The following CBLB variants were observed in gnomAD, a reference collection of about 807,000 sequenced individuals.
The protein encoded by CBLB is Cbl proto-oncogene B.
A neutral mutation model predicts 104.9 loss-of-function variants in CBLB; 31 were observed. The observed-to-expected ratio is 0.30, with a 90% CI of 0.22 to 0.40. CBLB has a LOEUF of 0.40. Among genes scored for constraint, CBLB ranks in the 10% least tolerant of loss-of-function variants. CBLB has a pLI of 1.00. For synonymous variants in CBLB, 440 were observed against 422.6 expected, an observed-to-expected ratio of 1.04 and a Z score of -0.51; for missense variants, 1,062 against 1,214.6, an observed-to-expected ratio of 0.87 and a Z score of 1.87.
chr3:105,751,350 ATGTT>A (rs1389834939), intron 5 of CBLB, 108 bp downstream of exon 5: 4 of 779,948 alleles, frequency 5.1e-6, no homozygotes, highest in African/African-American at 3.4e-5. Flanking sequence ...TATTTTCCAT[ATGTT>A]TGTTTATGTG....
At chr3:105,801,090 C>T (rs2153016666) in intron 3 of CBLB, among the ~76,000 whole-genome samples, 2 of 151,808 alleles carry the variant, frequency 1.3e-5, no homozygotes, top group South Asian at 4.2e-4. Context: ...TTTTCTTAAT[C>T]GCTTGTGAGT....
rs2152964416 is a variant in CBLB at position 105,776,650 on chromosome 3, T to A, written c.420-108A>T. On this transcript the variant is annotated intron_variant, in intron 3 of 18. Coordinates refer to ENST00000394030, the MANE Select transcript of CBLB (RefSeq NM_170662.5). The stretch of plus-strand genomic sequence containing the variant: ...AAACAATGTTATGTATGTATCAACG[T>A]ATGTCTTGGTGGTTGATCACGAAAA... 6 of 1,040,238 alleles carry A rather than the reference T, an allele frequency of 5.8e-6. No individual in the cohort carries two copies. In the East Asian group the frequency reaches 1.5e-4, roughly 26 times the overall value. The allele number at this position is 1,040,238 out of a possible 1,614,324, so 64.4% of individuals were successfully genotyped here.
At chr3:105,833,378 A>C (rs1277080256) in intron 3 of CBLB, among the ~76,000 whole-genome samples, 1 of 152,224 alleles carries the variant, frequency 6.6e-6, no homozygotes, top group South Asian at 2.1e-4. Context: ...CAGAACAAAT[A>C]TCTCTCTCTG....
chr3:105,685,313 C>A lies in CBLB; in HGVS notation c.2201+7G>T, dbSNP rs757203059. The stretch of plus-strand genomic sequence containing the variant: ...TGTAAGTGGCAAAAATCTGCCCATA[C>A]TCTTACCGAACAGGAGGTTTTACAT... On this transcript the variant is annotated splice_region_variant and intron_variant, in intron 14 of 18. Transcript: ENST00000394030. 2 of 1,613,442 alleles carry A rather than the reference C, an allele frequency of 1.2e-6. No individual in the cohort carries two copies. Among genetic ancestry groups the A allele is most frequent in the Admixed American group, 3.3e-5 (2 of 60,028 alleles).
At chr3:105,868,693 G>A (rs991726386) in intron 1 of CBLB, 43 bp downstream of exon 1, 8 of 999,008 alleles carry the variant, frequency 8.0e-6, no homozygotes, top group Non-Finnish European at 4.8e-6. Flanking sequence ...CCCCGGGCCG[G>A]CAAGAAGTGT....
intron 12 of CBLB, among the ~76,000 whole-genome samples, chr3:105,695,739 T>C (rs2068282783): frequency 6.6e-6 from 1 of 151,822 alleles, no homozygotes; most frequent in Admixed American, 6.6e-5. Context: ...ACCATTCATT[T>C]GATGTTTGGC....
Position 105,703,979 on chromosome 3 carries a change from T to C in CBLB, c.1593+9A>G, listed in dbSNP as rs112690512. On this transcript the variant is annotated intron_variant, in intron 11 of 18. Transcript: ENST00000394030. ...ATTTTCATCTGTGTTTCTAATAAAA[T>C]TGATCTACCTTTGGTGAACCCGTTG... The C allele has an allele frequency of 8.7e-6, 14 of 1,612,314 alleles. No homozygotes were observed. The highest frequency in any genetic ancestry group is 1.2e-5 in the Non-Finnish European group (14 of 1,178,300).
intron 16 of CBLB, among the ~76,000 whole-genome samples, chr3:105,680,445 C>T (rs1490722885): frequency 1.3e-5 from 2 of 152,112 alleles, no homozygotes; most frequent in East Asian, 3.9e-4. Context: ...TTTACATCAC[C>T]ACAGAAAGCT....
intron 3 of CBLB, among the ~76,000 whole-genome samples, chr3:105,798,864 A>C (rs2153010670): frequency 6.6e-6 from 1 of 152,320 alleles, no homozygotes; most frequent in South Asian, 2.1e-4. Context: ...TATGTGTGTG[A>C]GACAGAGGGG....
At chr3:105,812,024 TG>T (rs1230319148) in intron 3 of CBLB, among the ~76,000 whole-genome samples, 2 of 152,108 alleles carry the variant, frequency 1.3e-5, no homozygotes, top group Non-Finnish European at 2.9e-5. Context: ...TTTTTTGTTT[TG>T]TTTTTTTAAA....
chr3:105,845,795 C>T (rs1406554797), intron 3 of CBLB, among the ~76,000 whole-genome samples: 1 of 152,042 alleles, frequency 6.6e-6, no homozygotes, highest in South Asian at 2.1e-4. Context: ...AAGAAATGAG[C>T]CCCTTCATTT....
chr3:105,794,660 C>G (rs984453855), intron 3 of CBLB, among the ~76,000 whole-genome samples: 2 of 152,012 alleles, frequency 1.3e-5, no homozygotes, highest in African/African-American at 4.8e-5. Context: ...TCGTATTATC[C>G]CCAATACAAG....
intron 3 of CBLB, among the ~76,000 whole-genome samples, chr3:105,821,101 TTC>T (rs745569345): frequency 6.6e-6 from 1 of 152,168 alleles, no homozygotes; most frequent in Non-Finnish European, 1.5e-5. Flanking sequence ...ATCATATTGT[TTC>T]TGTTTTACCA....
At chr3:105,805,302 ATT>A (rs1221623767) in intron 3 of CBLB, among the ~76,000 whole-genome samples, 26 of 138,546 alleles carry the variant, frequency 1.9e-4, no homozygotes, top group East Asian at 2.1e-4. Flanking sequence ...ATGGCCCCCA[ATT>A]TTTTTTTTTT....
At chr3:105,712,576 T>C (rs1350380963) in intron 10 of CBLB, among the ~76,000 whole-genome samples, 1 of 152,220 alleles carries the variant, frequency 6.6e-6, no homozygotes, top group East Asian at 1.9e-4. Context: ...GCTATTTGGT[T>C]ACTGTAGTTC....
intron 18 of CBLB, among the ~76,000 whole-genome samples, chr3:105,664,742 G>A (rs1034730607): frequency 2.6e-5 from 4 of 152,154 alleles, no homozygotes; most frequent in African/African-American, 9.7e-5. Context: ...AATATAGGAA[G>A]TACATAGTGA....
chr3:105,751,754 G>C (rs2076611693), intron 4 of CBLB, 136 bp from the exon 5 acceptor site: 16 of 745,086 alleles, frequency 2.1e-5, no homozygotes. Flanking sequence ...TGAGAATATT[G>C]TTCATATTTC....
chr3:105,763,844 G>A (rs1044961834), intron 4 of CBLB, among the ~76,000 whole-genome samples: 2 of 152,138 alleles, frequency 1.3e-5, no homozygotes, highest in Non-Finnish European at 2.9e-5. Context: ...CAAAGGACTG[G>A]GTCAGAGTCA....
intron 12 of CBLB, among the ~76,000 whole-genome samples, chr3:105,699,884 G>C (rs375850445): frequency 3.3e-5 from 5 of 152,034 alleles, no homozygotes; most frequent in Non-Finnish European, 7.4e-5. Context: ...CCAAATCTAA[G>C]AGTAACATGA....
Sources: gnomAD v4.1 joint callset for allele counts (sites outside exome capture counted in the v4.1 genomes callset) on GRCh38, gnomAD v4.1.1 for gene constraint, MANE v1.5 for transcripts, NCBI Gene and HGNC (gene_info 2026-07-23, HGNC 2026-07-21) for gene names.